INPP4B: variants seen among roughly 807,000 people sequenced by gnomAD.
The protein encoded by INPP4B is inositol polyphosphate-4-phosphatase type II B.
Under a neutral mutation model 122.5 loss-of-function variants are expected in INPP4B, and 55 were observed. The observed-to-expected ratio is 0.45, with a 90% CI of 0.36 to 0.56. The LOEUF is 0.56. INPP4B is among the 20% of genes least tolerant of loss of function. The pLI is 0.00. For synonymous variants in INPP4B, 403 were observed against 388.7 expected, an observed-to-expected ratio of 1.04 and a Z score of -0.43; for missense variants, 1,000 against 1,097.7, an observed-to-expected ratio of 0.91 and a Z score of 1.26.
At chr4:142,084,594 C>G (rs116264467) in intron 24 of INPP4B, among the ~76,000 whole-genome samples, 1,579 of 152,158 alleles carry the variant, frequency 0.01, 28 homozygotes, top group African/African-American at 0.036. Flanking sequence ...CCATGATTTA[C>G]AAATAGAATA....
At chr4:142,274,263 C>T (rs1367665442) in intron 9 of INPP4B, among the ~76,000 whole-genome samples, 2 of 151,852 alleles carry the variant, frequency 1.3e-5, no homozygotes, top group Non-Finnish European at 2.9e-5. Flanking sequence ...CCAGGTTCTA[C>T]TTCTGACTCA....
chr4:142,359,795 T>C (rs950496172), intron 7 of INPP4B, among the ~76,000 whole-genome samples: 4 of 151,984 alleles, frequency 2.6e-5, no homozygotes, highest in African/African-American at 4.8e-5. Context: ...TGGTATCCCA[T>C]ACTTACTTTA....
At chr4:142,093,635 T>TAAAA (rs1780551844) in intron 23 of INPP4B, among the ~76,000 whole-genome samples, 2 of 152,198 alleles carry the variant, frequency 1.3e-5, no homozygotes, top group Non-Finnish European at 1.5e-5. Context: ...TGCAATTAGG[T>TAAAA]AAAAGCCATT....
chr4:142,431,881 G>T (rs1809402296), intron 3 of INPP4B, among the ~76,000 whole-genome samples: 1 of 152,188 alleles, frequency 6.6e-6, no homozygotes, highest in African/African-American at 2.4e-5. Context: ...TGAGCCAACA[G>T]GTTGTACAGG....
At chr4:142,367,834 T>C (rs1004507965) in intron 7 of INPP4B, among the ~76,000 whole-genome samples, 5 of 152,158 alleles carry the variant, frequency 3.3e-5, no homozygotes, top group Non-Finnish European at 5.9e-5. Context: ...GATTCTAATA[T>C]GCTCCCTGGG....
intron 2 of INPP4B, among the ~76,000 whole-genome samples, chr4:142,653,442 C>A (rs949358936): frequency 7.2e-5 from 11 of 152,282 alleles, no homozygotes; most frequent in African/African-American, 2.4e-4. Flanking sequence ...AGACAACCTA[C>A]TGAATGGGAG....
chr4:142,835,692 A>G (rs915218159), intron 1 of INPP4B, among the ~76,000 whole-genome samples: 9 of 152,220 alleles, frequency 5.9e-5, no homozygotes, highest in Non-Finnish European at 1.3e-4. Context: ...TGTTATACAA[A>G]GTAATAGATA....
At chr4:142,070,070 C>T (rs57799678) in intron 25 of INPP4B, among the ~76,000 whole-genome samples, 2,507 of 152,180 alleles carry the variant, frequency 0.016, 34 homozygotes, top group African/African-American at 0.04. Context: ...TGAAGAACAT[C>T]GAAGCAAAAA....
At chr4:142,668,721 G>T (rs571370029) in intron 2 of INPP4B, among the ~76,000 whole-genome samples, 3 of 152,160 alleles carry the variant, frequency 2.0e-5, no homozygotes, top group Admixed American at 6.6e-5. Context: ...ATCCAAAAAA[G>T]AAATCAATTG....
At chr4:142,034,590 G>A (rs947682598) in intron 25 of INPP4B, among the ~76,000 whole-genome samples, 2 of 152,036 alleles carry the variant, frequency 1.3e-5, no homozygotes, top group African/African-American at 2.4e-5. Context: ...AGCCTGCACA[G>A]CCAGGCTCAC....
rs1325182888 is a variant in INPP4B, at chr4:142,725,824, C to G, written c.-191+15G>C. The G allele has an allele frequency of 1.5e-5, 6 of 397,774 alleles. No individual in the cohort carries two copies. The East Asian group carries it at 1.8e-4, about 12-fold the overall frequency. The allele number at this position is 397,774 out of a possible 1,614,324, so 24.6% of individuals were successfully genotyped here. ...TATACAGAATGAAAAAATATCAATT[C>G]AAAATAAGCATTACCTTTGTCTAAT... On this transcript the variant is annotated intron_variant, in intron 2 of 25. Transcript: ENST00000262992.
At position 142,494,761 on chromosome 4, in the gene INPP4B, T is replaced by C. The variant is rs1317560981; in HGVS notation, c.-190-32035A>G. On this transcript the variant is annotated intron_variant, in intron 2 of 25. Transcript: ENST00000262992. ...CTTCATCTTTTAAAAATTTTATTGT[T>C]AGTCCCACAAAAATCTCATTCTATC... Among the ~76,000 whole-genome samples the C allele has an allele frequency of 2.0e-5, 3 of 152,188 alleles. No individual in the cohort carries two copies. The East Asian group carries it at 5.8e-4, about 29-fold the overall frequency.
At chr4:142,801,714 A>G (rs1245434632) in intron 1 of INPP4B, among the ~76,000 whole-genome samples, 1 of 152,202 alleles carries the variant, frequency 6.6e-6, no homozygotes, top group Non-Finnish European at 1.5e-5. Flanking sequence ...TCAGTGATGG[A>G]TATAGGTTAT....
intron 9 of INPP4B, among the ~76,000 whole-genome samples, chr4:142,298,246 T>C (rs1388722604): frequency 6.6e-6 from 1 of 152,148 alleles, no homozygotes; most frequent in Non-Finnish European, 1.5e-5. Context: ...GGTAAAGAGA[T>C]AAAACTTGAG....
At chr4:142,640,108 G>A (rs1750063241) in intron 2 of INPP4B, among the ~76,000 whole-genome samples, 2 of 152,044 alleles carry the variant, frequency 1.3e-5, no homozygotes, top group African/African-American at 2.4e-5. Flanking sequence ...AACTGTGACT[G>A]TACTAGGCAA....
At chr4:142,135,454 T>C (rs1803569048) in intron 18 of INPP4B, among the ~76,000 whole-genome samples, 1 of 152,216 alleles carries the variant, frequency 6.6e-6, no homozygotes, top group African/African-American at 2.4e-5. Context: ...TCAGATTTAT[T>C]TGAAAAATCA....
intron 2 of INPP4B, among the ~76,000 whole-genome samples, chr4:142,724,487 C>T (rs1339238092): frequency 6.6e-6 from 1 of 152,120 alleles, no homozygotes; most frequent in African/African-American, 2.4e-5. Flanking sequence ...CTACATCACA[C>T]AGCTCAGCTT....
At chr4:142,589,542 TTCC>T (rs1736978699) in intron 2 of INPP4B, among the ~76,000 whole-genome samples, 1 of 152,028 alleles carries the variant, frequency 6.6e-6, no homozygotes, top group Non-Finnish European at 1.5e-5. Flanking sequence ...AACATAAATT[TTCC>T]TCAAGAAATT....
chr4:142,281,653 C>A lies in INPP4B; in HGVS notation c.504-10879G>T, dbSNP rs149252768. On this transcript the variant is annotated intron_variant, in intron 9 of 25. Coordinates refer to ENST00000262992, the MANE Select transcript of INPP4B (RefSeq NM_001101669.3). Reference sequence around the variant, plus strand: ...AAGGTCAACGTTATACAGTGTTGAACATAATTTTAGAGTGTAATGTATTTC... The same window carrying A: ...AAGGTCAACGTTATACAGTGTTGAAAATAATTTTAGAGTGTAATGTATTTC... 3.3e-3 allele frequency among the ~76,000 whole-genome samples: 496 copies of A among 152,060 alleles called. 1 individual carries two copies. Among genetic ancestry groups the A allele is most frequent in the Admixed American group, 5.8e-3 (88 of 15,240 alleles).
Sources: gnomAD v4.1 joint callset for allele counts (sites outside exome capture counted in the v4.1 genomes callset) on GRCh38, gnomAD v4.1.1 for gene constraint, MANE v1.5 for transcripts, NCBI Gene and HGNC (gene_info 2026-07-23, HGNC 2026-07-21) for gene names.